The following ZNF517 variants were observed in gnomAD, a reference collection of about 807,000 sequenced individuals.
ZNF517 encodes the protein zinc finger protein 517.
A neutral mutation model predicts 12.1 loss-of-function variants in ZNF517; 12 were observed. The ratio of observed to expected loss-of-function variants is 0.99; its 90% CI spans 0.63 to 1.61. ZNF517 has a LOEUF of 1.61. ZNF517 is among the 40% of genes most tolerant of loss of function. The pLI is 0.00. For synonymous variants in ZNF517, 388 were observed against 310.2 expected, an observed-to-expected ratio of 1.25 and a Z score of -2.63; for missense variants, 781 against 693.2, an observed-to-expected ratio of 1.13 and a Z score of -1.42.
chr8:144,807,768 C>T lies in ZNF517; in HGVS notation c.852C>T (p.Thr284=), dbSNP rs770330495. Residue 284 remains threonine (T), a synonymous_variant, in exon 5 of 5, where the codon ACC becomes ACT. Transcript: ENST00000359971. The part of the protein sequence containing the change: ...SRLLQHQKFH[T]GEKPFACTEC... ...TGCTGCAGCACCAGAAGTTCCACACCGGGGAGAAGCCCTTCGCGTGCACAG... is the reference window on the plus strand; with the variant it reads ...TGCTGCAGCACCAGAAGTTCCACACTGGGGAGAAGCCCTTCGCGTGCACAG... 9.9e-6 allele frequency: 16 copies of T among 1,612,184 alleles called. No homozygotes were observed. Among genetic ancestry groups the T allele is most frequent in the Admixed American group, 1.7e-5 (1 of 59,966 alleles).
At chr8:144,803,089 C>T (rs1050057256) in intron 2 of ZNF517, 142 bp downstream of exon 2, 61 of 1,087,806 alleles carry the variant, frequency 5.6e-5, no homozygotes, top group Middle Eastern at 2.9e-4. Flanking sequence ...ACAGCCTCCT[C>T]GCTCTATGGC....
In ZNF517 at chr8:144,804,179, C is replaced by A. The variant is rs906357573; in HGVS notation, c.215C>A (p.Pro72Gln). 5 of 1,614,000 alleles carry A rather than the reference C, an allele frequency of 3.1e-6. No homozygotes were observed. Among genetic ancestry groups the A allele is most frequent in the Non-Finnish European group, 4.2e-6 (5 of 1,180,000 alleles). Residue 72 changes from proline to glutamine, a missense_variant, in exon 4 of 5, where the codon CCG (proline) becomes CAG (glutamine). By Grantham distance (76) the Pro-to-Gln change is moderately conservative. Transcript: ENST00000359971. ...LISLLEQGEE[P>Q]GALILQVAEQ... ...TCCCTATTGGAGCAAGGAGAGGAGC[C>A]GGGGGCCTTGATTCTGCAGGTGGCT...
downstream of ZNF517, among the ~76,000 whole-genome samples, chr8:144,811,686 C>T (rs576590712): frequency 1.5e-5 from 2 of 134,154 alleles, no homozygotes; most frequent in African/African-American, 6.0e-5. Flanking sequence ...CAGTAAAGCT[C>T]AGCCAGGTGC....
chr8:144,804,160 T>C lies in ZNF517; in HGVS notation c.196T>C (p.Leu66=), dbSNP rs752050157. The C allele has an allele frequency of 5.0e-6, 8 of 1,613,998 alleles. No individual in the cohort carries two copies. Among genetic ancestry groups the C allele is most frequent in the Admixed American group, 3.3e-5 (2 of 59,998 alleles). The part of the protein sequence containing the change: ...LVAKPALISL[L]EQGEEPGALI... ...TGCCAAACCAGCACTGATCTCCCTA[T>C]TGGAGCAAGGAGAGGAGCCGGGGGC... The change falls in exon 4 of 5, where the codon TTG becomes CTG. Residue 66 remains leucine, a synonymous_variant. Coordinates refer to ENST00000359971, the MANE Select transcript of ZNF517 (RefSeq NM_213605.3).
intron 4 of ZNF517, among the ~76,000 whole-genome samples, chr8:144,805,104 T>A (rs1827153299): frequency 6.6e-6 from 1 of 152,238 alleles, no homozygotes; most frequent in African/African-American, 2.4e-5. Context: ...GCTATGTAAC[T>A]AGTGCCTTCC....
chr8:144,808,064 T>C lies in ZNF517; in HGVS notation c.1148T>C (p.Leu383Pro). The C allele has an allele frequency of 6.2e-7, 1 of 1,609,082 alleles. No individual in the cohort carries two copies. Among genetic ancestry groups the C allele is most frequent in the Non-Finnish European group, 8.5e-7 (1 of 1,178,188 alleles). Residue 383 changes from leucine (L) to proline (P), a missense_variant, in exon 5 of 5, where the codon CTG (leucine) becomes CCG (proline). Leu to Pro is a moderately conservative substitution (Grantham distance 98, BLOSUM62 -3). Coordinates refer to ENST00000359971, the MANE Select transcript of ZNF517 (RefSeq NM_213605.3). The stretch of plus-strand genomic sequence containing the variant: ...AGGCCGTTCCGACACAACTCCCTGC[T>C]GCTGCTGCACCTGCGCCTACACACG... ...CGRPFRHNSL[L>P]LLHLRLHTGE...
At position 144,807,630 on chromosome 8, in the gene ZNF517, C is replaced by T. The variant is rs949899342; in HGVS notation, c.714C>T (p.Cys238=). 5.6e-6 allele frequency: 9 copies of T among 1,609,840 alleles called. No individual in the cohort carries two copies. The highest frequency in any genetic ancestry group is 3.3e-4 in the Middle Eastern group (2 of 6,082). Residue 238 remains cysteine (C), a synonymous_variant, in exon 5 of 5, where the codon TGC becomes TGT. Transcript: ENST00000359971. ...TEEKPFQCGE[C]GKAFRQSTQL... is the part of the protein sequence containing the mutation. ...AGAAGCCGTTCCAGTGCGGCGAGTG[C>T]GGGAAGGCCTTCCGGCAGAGCACGC...
rs766883381 is a variant in ZNF517 at position 144,802,966 on chromosome 8, C to T, written c.33+19C>T. ...ACCTCAGGTGAGCACCCCCTGAGCCCGTCCATTGCCCCAGGAGACTGCTTC... is the reference window on the plus strand; with the variant it reads ...ACCTCAGGTGAGCACCCCCTGAGCCTGTCCATTGCCCCAGGAGACTGCTTC... On this transcript the variant is annotated intron_variant, in intron 2 of 4. Coordinates refer to ENST00000359971, the MANE Select transcript of ZNF517 (RefSeq NM_213605.3). 67 of 1,613,574 alleles carry T rather than the reference C, an allele frequency of 4.2e-5. No individual in the cohort carries two copies. Among genetic ancestry groups the T allele is most frequent in the Middle Eastern group, 1.6e-4 (1 of 6,082 alleles).
At chr8:144,813,332 A>G (rs984091597), downstream of ZNF517, among the ~76,000 whole-genome samples, 32 of 150,832 alleles carry the variant, frequency 2.1e-4, no homozygotes, top group Admixed American at 1.1e-3. Context: ...AAAAAAAAAA[A>G]AAAGAAAATT....
intron 2 of ZNF517, 111 bp downstream of exon 2, chr8:144,803,058 G>A (rs1827046419): frequency 7.1e-7 from 1 of 1,398,784 alleles, no homozygotes; most frequent in Non-Finnish European, 9.8e-7. Flanking sequence ...CACATCACAG[G>A]ATGGAGTCTG....
At position 144,804,256 on chromosome 8, in the gene ZNF517, A is replaced by ACAGGGC. The variant is rs754440064; in HGVS notation, c.274+19_274+24dup. 4 of 1,603,738 alleles carry ACAGGGC rather than the reference A, an allele frequency of 2.5e-6. No individual in the cohort carries two copies. In the South Asian group the frequency reaches 4.4e-5, roughly 18 times the overall value. ...GTGCACAGGTGAGTACAAAGCACCC[A>ACAGGGC]CAGGGCGTGTCCTGTGCTGCCAATG... On this transcript the variant is annotated intron_variant, in intron 4 of 4. Transcript: ENST00000359971.
At chr8:144,804,398 G>A (rs910592069) in intron 4 of ZNF517, among the ~76,000 whole-genome samples, 160 bp downstream of exon 4, 2 of 152,148 alleles carry the variant, frequency 1.3e-5, no homozygotes, top group African/African-American at 4.8e-5. Context: ...TAGGTCTAAG[G>A]TCAAAACTAA....
rs945747602 is a variant in ZNF517, at chr8:144,808,035, C to T, written c.1119C>T (p.Cys373=). The T allele has an allele frequency of 8.1e-6, 13 of 1,596,746 alleles. No individual in the cohort carries two copies. Among genetic ancestry groups the T allele is most frequent in the East Asian group, 2.3e-5 (1 of 44,110 alleles). ...ACCCGCCCCACGAGTGCCCGGTGTG[C>T]GGGAGGCCGTTCCGACACAACTCCC... The part of the protein sequence containing the change: ...AGDPPHECPV[C]GRPFRHNSLL... The change falls in exon 5 of 5, where the codon TGC becomes TGT. Residue 373 remains cysteine, a synonymous_variant. Transcript: ENST00000359971.
At chr8:144,800,514 G>A in intron 1 of ZNF517, 5 of 985,308 alleles carry the variant, frequency 5.1e-6, no homozygotes, top group Non-Finnish European at 6.0e-6. Flanking sequence ...TGAGGGGTCG[G>A]GGATCAAGTC....
In ZNF517 at chr8:144,807,646, C is replaced by T. The variant is rs1390861585; in HGVS notation, c.730C>T (p.Gln244Ter). 1.9e-6 allele frequency: 3 copies of T among 1,609,926 alleles called. No homozygotes were observed. Among genetic ancestry groups the T allele is most frequent in the Admixed American group, 3.3e-5 (2 of 59,820 alleles). ...CGGCGAGTGCGGGAAGGCCTTCCGG[C>T]AGAGCACGCAGCTGGCTGCCCACCA... ...QCGECGKAFR[Q>*]STQLAAHHRV... The change falls in exon 5 of 5, where the codon CAG (glutamine) becomes TAG (stop). Residue 244 changes from glutamine to a stop codon, truncating the protein, a stop_gained. Coordinates refer to ENST00000359971, the MANE Select transcript of ZNF517 (RefSeq NM_213605.3). LOFTEE classifies it low-confidence loss of function (END_TRUNC).
At position 144,803,718 on chromosome 8, in the gene ZNF517, ACT is replaced by A. The variant is rs757595353; in HGVS notation, c.114_115del (p.Tyr39GlnfsTer42). ...WSCLAPDQQA[L>X]YRDVMLENYG... Reference sequence around the variant, plus strand: ...GTTGCCTGGCCCCCGACCAGCAGGCACTCTACAGGGACGTGATGCTGGAGAAC... The same window carrying A: ...GTTGCCTGGCCCCCGACCAGCAGGCACTACAGGGACGTGATGCTGGAGAAC... On this transcript the variant is annotated frameshift_variant, in exon 3 of 5. Coordinates refer to ENST00000359971, the MANE Select transcript of ZNF517 (RefSeq NM_213605.3). LOFTEE classifies it high-confidence loss of function. 1 of 1,614,078 alleles carries A rather than the reference ACT, an allele frequency of 6.2e-7. No individual in the cohort carries two copies. Among genetic ancestry groups the A allele is most frequent in the South Asian group, 1.1e-5 (1 of 91,084 alleles).
At position 144,807,906 on chromosome 8, in the gene ZNF517, C is replaced by T. The variant is rs1467977623; in HGVS notation, c.990C>T (p.Ser330=). 4 of 1,531,276 alleles carry T rather than the reference C, an allele frequency of 2.6e-6. No homozygotes were observed. The highest frequency in any genetic ancestry group is 2.6e-6 in the Non-Finnish European group (3 of 1,143,834). 94.9% of individuals were successfully genotyped at this position (1,531,276 alleles called of 1,614,324 possible). ...LRCGQRFIRG[S]SLLKHHRLHA... ...GTGGGCAGCGCTTCATCCGAGGGTCCTCGCTCCTGAAGCACCACCGGCTGC... is the reference window on the plus strand; with the variant it reads ...GTGGGCAGCGCTTCATCCGAGGGTCTTCGCTCCTGAAGCACCACCGGCTGC... Residue 330 remains serine, a synonymous_variant, in exon 5 of 5, where the codon TCC becomes TCT. Coordinates refer to ENST00000359971, the MANE Select transcript of ZNF517 (RefSeq NM_213605.3).
rs1827464759 is a variant in ZNF517 at position 144,809,323 on chromosome 8, TG to T, written c.*931del. 1 of 152,016 alleles carries T rather than the reference TG, an allele frequency of 6.6e-6. No homozygotes were observed. Among genetic ancestry groups the T allele is most frequent in the Non-Finnish European group, 1.5e-5 (1 of 68,072 alleles). The allele number at this position is 152,016 out of a possible 1,614,324, so 9.4% of individuals were successfully genotyped here. A position where few individuals can be genotyped will look rare whatever the true frequency, so the allele number is the denominator to read the frequency against. ...CTCCCACCTTAGCCTCCTGAGTAGC[TG>T]GGACTAAGGCACACACACTGTACTT... On this transcript the variant is annotated 3_prime_UTR_variant, in exon 5 of 5. Coordinates refer to ENST00000359971, the MANE Select transcript of ZNF517 (RefSeq NM_213605.3).
chr8:144,802,782 G>A (rs1227168027), intron 1 of ZNF517, 88 bp from the exon 2 acceptor site: 35 of 1,569,058 alleles, frequency 2.2e-5, no homozygotes, highest in African/African-American at 2.7e-5. Flanking sequence ...ACCCTCTCCT[G>A]CTCCCTTCTG....
Sources: allele counts gnomAD v4.1 joint callset (sites outside exome capture counted in the v4.1 genomes callset), GRCh38; gene constraint gnomAD v4.1.1; transcripts MANE v1.5; gene names NCBI Gene and HGNC (gene_info 2026-07-23, HGNC 2026-07-21).